UNC5C: variants seen among roughly 807,000 people sequenced by gnomAD.
UNC5C encodes the protein netrin receptor UNC5C.
Under a neutral mutation model 99.8 loss-of-function variants are expected in UNC5C, and 47 were observed. That is an observed-to-expected ratio of 0.47 (90% CI 0.37 to 0.60). The LOEUF is 0.60. Among genes scored for constraint, UNC5C ranks in the 20% least tolerant of loss-of-function variants. The pLI, the probability that UNC5C is intolerant of heterozygous loss-of-function variation, is 0.00. For missense variants in UNC5C, 1,062 were observed against 1,165.9 expected (o/e 0.91, Z 1.30); for synonymous variants, 487 against 452.2 (o/e 1.08, Z -0.98).
At chr4:95,236,646 A>G (rs1021546842) in intron 7 of UNC5C, among the ~76,000 whole-genome samples, 2 of 151,936 alleles carry the variant, frequency 1.3e-5, no homozygotes, top group South Asian at 2.1e-4. Flanking sequence ...GAAAAAAAAT[A>G]CTTGTAATCT....
At chr4:95,286,175 ACTG>A (rs1397089564) in intron 3 of UNC5C, among the ~76,000 whole-genome samples, 1 of 152,192 alleles carries the variant, frequency 6.6e-6, no homozygotes, top group East Asian at 1.9e-4. Context: ...CTATACATCT[ACTG>A]TTATCACTAC....
chr4:95,328,072 T>G (rs1742967837), intron 2 of UNC5C, among the ~76,000 whole-genome samples: 1 of 142,904 alleles, frequency 7.0e-6, no homozygotes, highest in African/African-American at 2.5e-5. Context: ...ATTTTTTTTT[T>G]TTTTTATTAT....
rs906775290 is a variant in UNC5C at position 95,163,274 on chromosome 4, G to A, written c.*5960C>T. 2 of 152,074 alleles carry A rather than the reference G, an allele frequency of 1.3e-5. No homozygotes were observed. The highest frequency in any genetic ancestry group is 6.5e-5 in the Admixed American group (1 of 15,270). The allele number at this position is 152,074 out of a possible 1,614,324, so 9.4% of individuals were successfully genotyped here. ...TGTACAGATGCCATTTGTTACTTTC[G>A]GGATAGAAAAGGCAAAGGTATTTTA... On this transcript the variant is annotated 3_prime_UTR_variant, in exon 16 of 16. Transcript: ENST00000453304.
At chr4:95,296,682 A>G (rs536146406) in intron 3 of UNC5C, among the ~76,000 whole-genome samples, 43 of 152,214 alleles carry the variant, frequency 2.8e-4, no homozygotes, top group Non-Finnish European at 4.8e-4. Flanking sequence ...TTTTAAGTAT[A>G]TATTGTGCTT....
chr4:95,278,397 T>C (rs1177155469), intron 3 of UNC5C, 35 bp from the exon 4 acceptor site: 2 of 1,545,402 alleles, frequency 1.3e-6, no homozygotes, highest in African/African-American at 2.7e-5. Context: ...CATGTCAAAA[T>C]TAAACAACAT....
At chr4:95,422,445 T>G (rs1324608054) in intron 1 of UNC5C, among the ~76,000 whole-genome samples, 1 of 152,166 alleles carries the variant, frequency 6.6e-6, no homozygotes, top group Non-Finnish European at 1.5e-5. Context: ...TGCTTCCCAT[T>G]TCAATTAGGG....
rs73842329 is a variant in UNC5C at position 95,547,169 on chromosome 4, G to T, written c.124+1565C>A. ...TTCCTTTTTAAATAGACAGACAGAT[G>T]AACTCTGGAGGTGTGCATAAGAAAA... On this transcript the variant is annotated intron_variant, in intron 1 of 15. Coordinates refer to ENST00000453304, the MANE Select transcript of UNC5C (RefSeq NM_003728.4). Among the ~76,000 whole-genome samples the T allele has an allele frequency of 5.5e-3, 844 of 152,086 alleles. 14 individuals are homozygous for T. The highest frequency in any genetic ancestry group is 0.02 in the African/African-American group (811 of 41,478).
At chr4:95,408,418 C>T (rs1258896495) in intron 1 of UNC5C, among the ~76,000 whole-genome samples, 1 of 152,068 alleles carries the variant, frequency 6.6e-6, no homozygotes, top group Non-Finnish European at 1.5e-5. Context: ...TTCATTAGTG[C>T]TTTTGTCTTT....
At chr4:95,239,655 C>T (rs190469941) in intron 7 of UNC5C, among the ~76,000 whole-genome samples, 14 of 152,218 alleles carry the variant, frequency 9.2e-5, no homozygotes, top group African/African-American at 1.9e-4. Context: ...TTTTGGACCA[C>T]GTATTTTCTC....
At chr4:95,480,932 C>T (rs1249420261) in intron 1 of UNC5C, among the ~76,000 whole-genome samples, 1 of 151,106 alleles carries the variant, frequency 6.6e-6, no homozygotes, top group Non-Finnish European at 1.5e-5. Context: ...GGAAGCATTC[C>T]CTTTGAAAAC....
At chr4:95,172,244 T>A (rs1736149798) in intron 14 of UNC5C, among the ~76,000 whole-genome samples, 1 of 151,890 alleles carries the variant, frequency 6.6e-6, no homozygotes, top group Non-Finnish European at 1.5e-5. Flanking sequence ...TTTATTTTAA[T>A]GAGATCCCAT....
intron 14 of UNC5C, among the ~76,000 whole-genome samples, chr4:95,177,606 G>T (rs1736421276): frequency 2.0e-5 from 3 of 152,154 alleles, no homozygotes; most frequent in Non-Finnish European, 4.4e-5. Flanking sequence ...GGTGTGGAGG[G>T]CATTTGAAAT....
intron 1 of UNC5C, among the ~76,000 whole-genome samples, chr4:95,498,461 A>C (rs991179524): frequency 6.6e-6 from 1 of 152,058 alleles, no homozygotes; most frequent in Admixed American, 6.6e-5. Context: ...AAAAAAGGAA[A>C]ACATTCCATC....
At chr4:95,242,313 T>C (rs773636948) in intron 7 of UNC5C, 116 bp downstream of exon 7, 1 of 1,387,808 alleles carries the variant, frequency 7.2e-7, no homozygotes, top group Non-Finnish European at 9.7e-7. Flanking sequence ...TATTGCTATG[T>C]TATTGCATTT....
chr4:95,280,993 T>C (rs1741037226), intron 3 of UNC5C, among the ~76,000 whole-genome samples: 2 of 152,164 alleles, frequency 1.3e-5, no homozygotes. Flanking sequence ...TGCACTGAGA[T>C]AAAATTTGAT....
At chr4:95,408,603 C>G (rs1284801066) in intron 1 of UNC5C, among the ~76,000 whole-genome samples, 1 of 152,144 alleles carries the variant, frequency 6.6e-6, no homozygotes, top group Non-Finnish European at 1.5e-5. Context: ...TATATACTAA[C>G]TGAACACTGA....
intron 1 of UNC5C, among the ~76,000 whole-genome samples, chr4:95,408,497 C>T (rs1745887851): frequency 6.6e-6 from 1 of 152,130 alleles, no homozygotes; most frequent in African/African-American, 2.4e-5. Context: ...AATTGCTCAT[C>T]TTCTGTATGT....
intron 2 of UNC5C, among the ~76,000 whole-genome samples, chr4:95,322,928 AT>A (rs1742745457): frequency 6.9e-6 from 1 of 145,654 alleles, no homozygotes; most frequent in Admixed American, 6.9e-5. Context: ...ACAGAGCGAG[AT>A]TCTGTCTCAA....
At chr4:95,206,922 G>A (rs1292534727) in intron 10 of UNC5C, 126 bp from the exon 11 acceptor site, 3 of 654,590 alleles carry the variant, frequency 4.6e-6, no homozygotes, top group Middle Eastern at 4.2e-4. Flanking sequence ...TTTTTTTTCT[G>A]GGGGGTTGGG....
Sources: gnomAD v4.1 joint callset for allele counts (sites outside exome capture counted in the v4.1 genomes callset) on GRCh38, gnomAD v4.1.1 for gene constraint, MANE v1.5 for transcripts, NCBI Gene and HGNC (gene_info 2026-07-23, HGNC 2026-07-21) for gene names.